Variants in UBE3D observed in about 807,000 individuals in gnomAD.
UBE3D encodes E3 ubiquitin-protein ligase E3D.
A neutral mutation model predicts 49.6 loss-of-function variants in UBE3D; 48 were observed. The observed-to-expected ratio is 0.97, with a 90% CI of 0.77 to 1.23. UBE3D has a LOEUF of 1.23. Among genes scored for constraint, UBE3D ranks in the 50% most tolerant of loss-of-function variants. The pLI is 0.00. For missense variants in UBE3D, 452 were observed against 468.4 expected (o/e 0.96, Z 0.32); for synonymous variants, 189 against 174.2 (o/e 1.08, Z -0.67).
At chr6:82,910,521 G>C (rs1181962815) in intron 9 of UBE3D, among the ~76,000 whole-genome samples, 1 of 152,088 alleles carries the variant, frequency 6.6e-6, no homozygotes, top group Admixed American at 6.5e-5. Context: ...AAAATGATCT[G>C]CTCTTTAAAA....
rs551728003 is a variant in UBE3D at position 82,952,227 on chromosome 6, C to T, written c.1149+5085G>A. On this transcript the variant is annotated intron_variant, in intron 9 of 9. Transcript: ENST00000369747. ...TACTTCATGTTCCTCTACTTATTAG[C>T]TGTGTGAGCTTGGGAATGTTGTGCA... Among the ~76,000 whole-genome samples the T allele has an allele frequency of 1.6e-3, 247 of 152,168 alleles. 1 individual carries two copies. The highest frequency in any genetic ancestry group is 5.1e-3 in the African/African-American group (213 of 41,506).
intron 3 of UBE3D, among the ~76,000 whole-genome samples, chr6:83,053,527 A>C (rs1783607999): frequency 6.6e-6 from 1 of 152,194 alleles, no homozygotes; most frequent in Non-Finnish European, 1.5e-5. Flanking sequence ...CAAAAGAAAA[A>C]GAAATTAAAA....
chr6:83,040,956 T>A (rs891376803), intron 4 of UBE3D, among the ~76,000 whole-genome samples: 1 of 152,216 alleles, frequency 6.6e-6, no homozygotes, highest in African/African-American at 2.4e-5. Context: ...AAAGCCAGTA[T>A]GGTCTACAAA....
At chr6:82,991,156 A>T (rs930822966) in intron 8 of UBE3D, among the ~76,000 whole-genome samples, 1 of 152,192 alleles carries the variant, frequency 6.6e-6, no homozygotes, top group African/African-American at 2.4e-5. Flanking sequence ...ACACAGAGCA[A>T]GGAAGAATCC....
chr6:82,993,331 C>T (rs1279341795), intron 8 of UBE3D, among the ~76,000 whole-genome samples: 1 of 136,278 alleles, frequency 7.3e-6, no homozygotes, highest in Non-Finnish European at 1.6e-5. Context: ...ATTTGGCAGA[C>T]ACTGACACCT....
intron 9 of UBE3D, among the ~76,000 whole-genome samples, chr6:82,952,200 T>C (rs1040829838): frequency 2.0e-5 from 3 of 152,108 alleles, no homozygotes; most frequent in African/African-American, 7.2e-5. Context: ...AGCCAGGCCT[T>C]GTACTTCATG....
At chr6:82,882,083 T>C in the UBE3D span, among the ~76,000 whole-genome samples, 3 of 151,706 alleles carry the variant, frequency 2.0e-5, no homozygotes, top group East Asian at 5.8e-4. Flanking sequence ...TCTTACTCTG[T>C]ACACAAGATC....
At chr6:83,052,945 A>C (rs1783567308) in intron 3 of UBE3D, among the ~76,000 whole-genome samples, 1 of 152,350 alleles carries the variant, frequency 6.6e-6, no homozygotes, top group South Asian at 2.1e-4. Context: ...AGGTAGAGGC[A>C]CTGGGATGGA....
downstream of UBE3D, among the ~76,000 whole-genome samples, chr6:82,891,550 T>C (rs188005956): frequency 3.7e-3 from 563 of 152,338 alleles, no homozygotes; most frequent in Non-Finnish European, 6.6e-3. Context: ...CAAACTGTGC[T>C]TCATAAAATG....
At chr6:82,944,072 C>T (rs1002328297) in intron 9 of UBE3D, among the ~76,000 whole-genome samples, 3 of 151,948 alleles carry the variant, frequency 2.0e-5, no homozygotes, top group African/African-American at 7.3e-5. Context: ...AGTCTTAATG[C>T]TGAGCTGGGC....
chr6:82,888,939 A>T (rs1231732329), downstream of UBE3D, among the ~76,000 whole-genome samples: 1 of 152,344 alleles, frequency 6.6e-6, no homozygotes, highest in East Asian at 1.9e-4. Flanking sequence ...TCAGTAGATG[A>T]AATCTCAAAT....
chr6:82,957,677 A>C (rs537295170), intron 8 of UBE3D, among the ~76,000 whole-genome samples: 11 of 152,278 alleles, frequency 7.2e-5, no homozygotes, highest in Admixed American at 3.9e-4. Context: ...TCATACTCTG[A>C]AGTATACAGT....
intron 8 of UBE3D, among the ~76,000 whole-genome samples, chr6:83,005,952 C>T (rs1414347538): frequency 1.3e-5 from 2 of 151,960 alleles, no homozygotes; most frequent in Admixed American, 1.3e-4. Context: ...TGGCCAGGCA[C>T]GGTGGCTCAC....
downstream of UBE3D, among the ~76,000 whole-genome samples, chr6:82,888,820 TTA>T (rs1225916576): frequency 7.6e-6 from 1 of 131,350 alleles, no homozygotes; most frequent in Non-Finnish European, 1.6e-5. Context: ...TTTTGAACAA[TTA>T]TGTTTGTCAT....
At chr6:82,947,169 T>C (rs553730483) in intron 9 of UBE3D, among the ~76,000 whole-genome samples, 5 of 152,010 alleles carry the variant, frequency 3.3e-5, no homozygotes, top group Non-Finnish European at 7.4e-5. Flanking sequence ...TCATCCAAAA[T>C]AGATTTAAAG....
At chr6:82,987,949 G>T (rs908534945) in intron 8 of UBE3D, among the ~76,000 whole-genome samples, 2 of 152,124 alleles carry the variant, frequency 1.3e-5, no homozygotes, top group African/African-American at 2.4e-5. Flanking sequence ...ACAGTCAGAA[G>T]TGAAAAAAGC....
intron 3 of UBE3D, among the ~76,000 whole-genome samples, chr6:83,050,630 G>A (rs138066494): frequency 3.0e-4 from 46 of 152,292 alleles, no homozygotes; most frequent in Non-Finnish European, 5.3e-4. Flanking sequence ...TCTATTTAAT[G>A]AGCACAAAGT....
intron 3 of UBE3D, among the ~76,000 whole-genome samples, chr6:83,046,668 T>G (rs1465490686): frequency 8.0e-5 from 1 of 12,512 alleles, no homozygotes; most frequent in Non-Finnish European, 1.9e-4. Context: ...ATTCTTGCAG[T>G]TGGCGGGGGG....
chr6:82,967,232 C>G (rs1359818973), intron 8 of UBE3D, among the ~76,000 whole-genome samples: 1 of 152,198 alleles, frequency 6.6e-6, no homozygotes, highest in Non-Finnish European at 1.5e-5. Flanking sequence ...CCCTGCTTCC[C>G]CTAATGGTAA....
Sources: gnomAD v4.1 joint callset for allele counts (sites outside exome capture counted in the v4.1 genomes callset) on GRCh38, gnomAD v4.1.1 for gene constraint, MANE v1.5 for transcripts, NCBI Gene and HGNC (gene_info 2026-07-23, HGNC 2026-07-21) for gene names.